The following TRIM6 variants were observed in gnomAD, a reference collection of about 807,000 sequenced individuals.
The protein encoded by TRIM6 is tripartite motif-containing protein 6.
In TRIM6, 43 loss-of-function variants were observed where a neutral mutation model predicts 51.2. The observed-to-expected ratio is 0.84, with a 90% CI of 0.66 to 1.08. The LOEUF (loss-of-function observed/expected upper bound fraction) is 1.08, where lower values mean the gene tolerates loss of function less well. Ranked by LOEUF, TRIM6 falls within the 50% of genes least tolerant of loss-of-function variation. TRIM6 has a pLI of 0.00. For synonymous variants in TRIM6, 215 were observed against 232.4 expected, an observed-to-expected ratio of 0.93 and a Z score of 0.68; for missense variants, 669 against 619.0, an observed-to-expected ratio of 1.08 and a Z score of -0.86.
At chr11:5,607,643 TG>T (rs1191466120) in intron 4 of TRIM6, among the ~76,000 whole-genome samples, 3 of 152,158 alleles carry the variant, frequency 2.0e-5, no homozygotes, top group African/African-American at 7.2e-5. Context: ...GGATGTGAAG[TG>T]GACTGACTTG....
intron 4 of TRIM6, among the ~76,000 whole-genome samples, chr11:5,607,887 C>A (rs1424270158): frequency 6.6e-6 from 1 of 152,112 alleles, no homozygotes; most frequent in African/African-American, 2.4e-5. Context: ...ATTTGAGAAT[C>A]ATCAACATGT....
chr11:5,603,445 G>A lies in TRIM6; in HGVS notation c.217G>A (p.Glu73Lys). The change falls in exon 2 of 8, where the codon GAA becomes AAA. Residue 73 changes from glutamate to lysine, a missense_variant. Transcript: ENST00000380097. ...AGCCTGCATCACACCAAATGGCAGGGAATCAGTGATTGGTCAAGAAGGGGA... is the reference window on the plus strand; with the variant it reads ...AGCCTGCATCACACCAAATGGCAGGAAATCAGTGATTGGTCAAGAAGGGGA... ...CQACITPNGR[E>K]SVIGQEGERS... 6.2e-7 allele frequency: 1 copy of A among 1,614,118 alleles called. No homozygotes were observed. Among genetic ancestry groups the A allele is most frequent in the Non-Finnish European group, 8.5e-7 (1 of 1,180,020 alleles).
upstream of TRIM6, chr11:5,596,628 A>C: frequency 3.0e-6 from 1 of 333,404 alleles, no homozygotes; most frequent in Non-Finnish European, 5.3e-6. Context: ...AGGCGGCCCG[A>C]CTCCTCCCAG....
intron 5 of TRIM6, among the ~76,000 whole-genome samples, chr11:5,609,279 G>A (rs1352943474): frequency 6.6e-6 from 1 of 152,064 alleles, no homozygotes; most frequent in Non-Finnish European, 1.5e-5. Context: ...TTGGAGGTGA[G>A]GACATCTTTT....
In TRIM6 at chr11:5,605,539, G is replaced by A; in HGVS notation, c.806G>A (p.Cys269Tyr). 3 of 1,613,870 alleles carry A rather than the reference G, an allele frequency of 1.9e-6. No individual in the cohort carries two copies. The highest frequency in any genetic ancestry group is 2.5e-6 in the Non-Finnish European group (3 of 1,179,916). ...RELISDLERR[C>Y]QGSTMELLQD... ...CTCATCTCGGATCTGGAGCGTCGAT[G>A]TCAGGGGTCAACAATGGAGCTGCTG... Residue 269 changes from cysteine to tyrosine, a missense_variant, in exon 4 of 8, where the codon TGT becomes TAT. Cys to Tyr is a radical substitution (Grantham distance 194). Coordinates refer to ENST00000380097, the MANE Select transcript of TRIM6 (RefSeq NM_001003818.3).
At chr11:5,610,391 G>A (rs558105129) in intron 6 of TRIM6, 144 bp from the exon 7 acceptor site, 267 of 1,571,528 alleles carry the variant, frequency 1.7e-4, no homozygotes, top group Admixed American at 7.6e-4. Flanking sequence ...AAGAAGATGC[G>A]GTTTGTATTT....
Position 5,603,651 on chromosome 11 carries a change from G to A in TRIM6, c.423G>A (p.Lys141=). The A allele has an allele frequency of 1.2e-6, 2 of 1,613,458 alleles. No individual in the cohort carries two copies. The highest frequency in any genetic ancestry group is 1.7e-6 in the Non-Finnish European group (2 of 1,179,956). Reference sequence around the variant, plus strand: ...AGCTCTTCTGTCAGGAGGATGGGAAGGTCATTTGCTGGCTTTGTGAGCGGT... The same window carrying A: ...AGCTCTTCTGTCAGGAGGATGGGAAAGTCATTTGCTGGCTTTGTGAGCGGT... ...KLQLFCQEDG[K]VICWLCERSQ... Residue 141 remains lysine, a synonymous_variant, in exon 2 of 8, where the codon AAG becomes AAA. Transcript: ENST00000380097.
At chr11:5,597,995 C>T (rs1490495717) in intron 1 of TRIM6, among the ~76,000 whole-genome samples, 5 of 152,214 alleles carry the variant, frequency 3.3e-5, no homozygotes, top group Admixed American at 2.6e-4. Flanking sequence ...CAAGTGCTTG[C>T]AGTGTTGCTA....
At chr11:5,602,207 A>G (rs10838409) in intron 1 of TRIM6, among the ~76,000 whole-genome samples, 107,522 of 151,866 alleles carry the variant, frequency 0.71, 39,174 homozygotes, top group South Asian at 0.81. Context: ...TTGGGAGGCC[A>G]AGGCGGGCGG....
rs1219892912 is a variant in TRIM6, at chr11:5,608,306, A to C, written c.835-66A>C. The C allele has an allele frequency of 2.5e-6, 4 of 1,603,658 alleles. No individual in the cohort carries two copies. The East Asian group carries it at 9.0e-5, about 36-fold the overall frequency. The stretch of plus-strand genomic sequence containing the variant: ...TCATATCATGGGGTAGGGGACATGG[A>C]AGGAGAAATGTGGATAAGGGCATGA... On this transcript the variant is annotated intron_variant, in intron 4 of 7. Coordinates refer to ENST00000380097, the MANE Select transcript of TRIM6 (RefSeq NM_001003818.3).
intron 5 of TRIM6, among the ~76,000 whole-genome samples, chr11:5,609,033 C>A (rs1485598863): frequency 6.6e-6 from 1 of 151,930 alleles, no homozygotes; most frequent in Non-Finnish European, 1.5e-5. Context: ...TTTTCTTTCT[C>A]CCAGGCCTTG....
Position 5,611,385 on chromosome 11 carries a change from C to G in TRIM6, c.*43C>G. The G allele has an allele frequency of 7.1e-7, 1 of 1,409,586 alleles. No individual in the cohort carries two copies. Among genetic ancestry groups the G allele is most frequent in the South Asian group, 1.3e-5 (1 of 79,482 alleles). The allele number at this position is 1,409,586 out of a possible 1,614,324, so 87.3% of individuals were successfully genotyped here. On this transcript the variant is annotated 3_prime_UTR_variant, in exon 8 of 8. Coordinates refer to ENST00000380097, the MANE Select transcript of TRIM6 (RefSeq NM_001003818.3). ...CCCACTTCTGATAAGTACCCTGAGG[C>G]TTATCAGCATGTGATTCTCCCTTCT... is the stretch of plus-strand genomic sequence containing the variant.
At chr11:5,600,222 C>T (rs1293931134) in intron 1 of TRIM6, among the ~76,000 whole-genome samples, 2 of 152,128 alleles carry the variant, frequency 1.3e-5, no homozygotes, top group Non-Finnish European at 2.9e-5. Context: ...ACACCGGCCC[C>T]GCCACTTGAA....
At chr11:5,599,397 A>ATTTATTTATTTG (rs1847687697) in intron 1 of TRIM6, among the ~76,000 whole-genome samples, 1 of 150,750 alleles carries the variant, frequency 6.6e-6, no homozygotes, top group African/African-American at 2.4e-5. Context: ...TTATTTATTT[A>ATTTATTTATTTG]TTTATTTATT....
At position 5,611,363 on chromosome 11, in the gene TRIM6, A is replaced by G. The variant is rs763188191; in HGVS notation, c.*21A>G. Reference sequence around the variant, plus strand: ...CTTGAATATTCTTCTGTTCCCACCCACTTCTGATAAGTACCCTGAGGCTTA... The same window carrying G: ...CTTGAATATTCTTCTGTTCCCACCCGCTTCTGATAAGTACCCTGAGGCTTA... On this transcript the variant is annotated 3_prime_UTR_variant, in exon 8 of 8. Coordinates refer to ENST00000380097, the MANE Select transcript of TRIM6 (RefSeq NM_001003818.3). The G allele has an allele frequency of 2.5e-6, 4 of 1,574,304 alleles. No individual in the cohort carries two copies. Among genetic ancestry groups the G allele is most frequent in the Non-Finnish European group, 3.5e-6 (4 of 1,149,230 alleles).
chr11:5,610,996 A>G lies in TRIM6; in HGVS notation c.1205A>G (p.Asn402Ser), dbSNP rs757669849. The G allele has an allele frequency of 1.9e-6, 3 of 1,614,140 alleles. No individual in the cohort carries two copies. Among genetic ancestry groups the G allele is most frequent in the Non-Finnish European group, 2.5e-6 (3 of 1,180,012 alleles). Reference protein sequence around the residue: ...KTAWILGVCSNSLGPTFSFNH... With the variant: ...KTAWILGVCSSSLGPTFSFNH... ...GCCTGGATCCTGGGGGTATGCAGCA[A>G]TTCACTGGGACCTACATTCTCTTTC... The change falls in exon 8 of 8, where the codon AAT becomes AGT. Residue 402 changes from asparagine to serine, a missense_variant. Asn to Ser is a conservative substitution (Grantham distance 46). Coordinates refer to ENST00000380097, the MANE Select transcript of TRIM6 (RefSeq NM_001003818.3).
intron 1 of TRIM6, among the ~76,000 whole-genome samples, chr11:5,599,864 G>C (rs1308129940): frequency 6.6e-6 from 1 of 152,124 alleles, no homozygotes; most frequent in Non-Finnish European, 1.5e-5. Flanking sequence ...CAGTGCTAAG[G>C]TCTGGGGCAC....
At chr11:5,598,295 A>G (rs1301365269) in intron 1 of TRIM6, among the ~76,000 whole-genome samples, 1 of 152,156 alleles carries the variant, frequency 6.6e-6, no homozygotes, top group Non-Finnish European at 1.5e-5. Flanking sequence ...TGCTAACTGT[A>G]TGCTCCCCTC....
Position 5,611,011 on chromosome 11 carries a change from C to T in TRIM6, c.1220C>T (p.Thr407Ile), listed in dbSNP as rs1848545335. The change falls in exon 8 of 8, where the codon ACA (threonine) becomes ATA (isoleucine). Residue 407 changes from threonine to isoleucine, a missense_variant. By Grantham distance (89) the Thr-to-Ile change is moderately conservative (BLOSUM62 -1). Coordinates refer to ENST00000380097, the MANE Select transcript of TRIM6 (RefSeq NM_001003818.3). The stretch of plus-strand genomic sequence containing the variant: ...GTATGCAGCAATTCACTGGGACCTA[C>T]ATTCTCTTTCAACCATTTTGCTCAA... ...LGVCSNSLGP[T>I]FSFNHFAQNH... 5.0e-6 allele frequency: 8 copies of T among 1,614,170 alleles called. No homozygotes were observed. Among genetic ancestry groups the T allele is most frequent in the Non-Finnish European group, 6.8e-6 (8 of 1,180,038 alleles).
Sources: allele counts gnomAD v4.1 joint callset (sites outside exome capture counted in the v4.1 genomes callset), GRCh38; gene constraint gnomAD v4.1.1; transcripts MANE v1.5; gene names NCBI Gene and HGNC (gene_info 2026-07-23, HGNC 2026-07-21).